The following STPG2 variants were observed in gnomAD, a reference collection of about 807,000 sequenced individuals.
STPG2 encodes the protein sperm tail PG-rich repeat containing 2.
Under a neutral mutation model 54.2 loss-of-function variants are expected in STPG2, and 56 were observed. That is an observed-to-expected ratio of 1.03 (90% CI 0.83 to 1.29). The LOEUF is 1.29. Among genes scored for constraint, STPG2 ranks in the 50% most tolerant of loss-of-function variants. STPG2 has a pLI of 0.00. For synonymous variants in STPG2, 200 were observed against 181.8 expected (o/e 1.10, Z -0.81); for missense variants, 596 against 544.9 (o/e 1.09, Z -0.93).
intron 8 of STPG2, among the ~76,000 whole-genome samples, chr4:97,885,210 C>G (rs1439629718): frequency 6.6e-6 from 1 of 152,128 alleles, no homozygotes; most frequent in East Asian, 1.9e-4. Flanking sequence ...CAACTTCAGC[C>G]TGAAACCCTG....
chr4:97,744,785 T>C (rs1725372721), intron 9 of STPG2, among the ~76,000 whole-genome samples: 1 of 151,486 alleles, frequency 6.6e-6, no homozygotes, highest in African/African-American at 2.4e-5. Flanking sequence ...TCTATAAATA[T>C]ACTGTAATAT....
chr4:97,770,752 A>G (rs1190783922), intron 9 of STPG2, among the ~76,000 whole-genome samples: 2 of 152,218 alleles, frequency 1.3e-5, no homozygotes, highest in Non-Finnish European at 2.9e-5. Flanking sequence ...GATTGAGAGT[A>G]CCAGAGGAAC....
At chr4:97,695,611 C>CA (rs1723543880) in intron 10 of STPG2, among the ~76,000 whole-genome samples, 1 of 151,924 alleles carries the variant, frequency 6.6e-6, no homozygotes, top group Admixed American at 6.6e-5. Flanking sequence ...AAGATTCATC[C>CA]AAAAAGCCCC....
At chr4:98,109,937 A>G (rs902321439) in intron 3 of STPG2, among the ~76,000 whole-genome samples, 1 of 152,200 alleles carries the variant, frequency 6.6e-6, no homozygotes, top group Non-Finnish European at 1.5e-5. Context: ...TGAACCATAA[A>G]AAGTTTAAGC....
intron 9 of STPG2, among the ~76,000 whole-genome samples, chr4:97,788,764 T>C (rs1228733643): frequency 1.3e-5 from 2 of 152,046 alleles, no homozygotes; most frequent in Non-Finnish European, 2.9e-5. Context: ...GCAGAACATA[T>C]AAGATGCCCA....
At chr4:98,025,156 T>C (rs1422699309) in intron 5 of STPG2, among the ~76,000 whole-genome samples, 1 of 152,228 alleles carries the variant, frequency 6.6e-6, no homozygotes, top group African/African-American at 2.4e-5. Context: ...TAAGGATTAA[T>C]TAATACAGCT....
At position 97,842,811 on chromosome 4, in the gene STPG2, A is replaced by G. The variant is rs76575041; in HGVS notation, c.1045-1879T>C. Among the ~76,000 whole-genome samples the G allele has an allele frequency of 0.011, 1,687 of 151,860 alleles. 108 individuals carry two copies. The East Asian group carries it at 0.19, about 17-fold the overall frequency. ...ATGTATACTACCCTTGTTCATGACC[A>G]CCTGCTGCTATGTATATTTATTCTT... On this transcript the variant is annotated intron_variant, in intron 8 of 10. Coordinates refer to ENST00000295268, the MANE Select transcript of STPG2 (RefSeq NM_174952.3).
intron 10 of STPG2, among the ~76,000 whole-genome samples, chr4:97,632,799 A>T (rs1721334985): frequency 6.6e-6 from 1 of 152,182 alleles, no homozygotes; most frequent in East Asian, 1.9e-4. Flanking sequence ...TATGGTGCTA[A>T]AATGTTGAAG....
At chr4:97,557,571 A>G (rs1578385775), downstream of STPG2, among the ~76,000 whole-genome samples, 1 of 152,282 alleles carries the variant, frequency 6.6e-6, no homozygotes, top group Middle Eastern at 3.4e-3. Flanking sequence ...AAACTGACTC[A>G]TCTGGCCAAA....
At chr4:97,471,897 C>A (rs1226829077) in intron 4 of STPG2, among the ~76,000 whole-genome samples, 2 of 152,098 alleles carry the variant, frequency 1.3e-5, no homozygotes, top group Admixed American at 1.3e-4. Context: ...AGTTTTCATA[C>A]AGCAGGTACA....
chr4:98,065,559 A>T (rs1159128762), intron 5 of STPG2, among the ~76,000 whole-genome samples: 1 of 152,210 alleles, frequency 6.6e-6, no homozygotes, highest in Admixed American at 6.5e-5. Flanking sequence ...GAACATCACA[A>T]ACAAATAAGA....
At chr4:97,831,169 C>T (rs182949587) in intron 9 of STPG2, among the ~76,000 whole-genome samples, 6 of 152,264 alleles carry the variant, frequency 3.9e-5, no homozygotes, top group East Asian at 1.9e-4. Flanking sequence ...TCATAGCAAA[C>T]AGTCTCTCAG....
At position 97,897,616 on chromosome 4, in the gene STPG2, G is replaced by GTA. The variant is rs140832577; in HGVS notation, c.1044+46279_1044+46280dup. Among the ~76,000 whole-genome samples the GTA allele has an allele frequency of 3.3e-3, 496 of 152,120 alleles. 1 individual carries two copies. The highest frequency in any genetic ancestry group is 0.011 in the African/African-American group (472 of 41,526). On this transcript the variant is annotated intron_variant, in intron 8 of 10. Coordinates refer to ENST00000295268, the MANE Select transcript of STPG2 (RefSeq NM_174952.3). ...CAGCCATTCTGACTGGTGTGATATG[G>GTA]TATCTCACTGTGGTTTCAAGTTACA...
At chr4:97,802,561 C>T (rs896512045) in intron 9 of STPG2, among the ~76,000 whole-genome samples, 5 of 152,126 alleles carry the variant, frequency 3.3e-5, no homozygotes, top group African/African-American at 1.2e-4. Flanking sequence ...ACCTCCATCT[C>T]CCAGGTTCAA....
chr4:97,635,740 A>C (rs974898863), intron 10 of STPG2, among the ~76,000 whole-genome samples: 2 of 152,148 alleles, frequency 1.3e-5, no homozygotes, highest in African/African-American at 4.8e-5. Context: ...GAAAGAGACA[A>C]AGAAGGCCAT....
chr4:97,515,168 T>C (rs1026257900), intron 4 of STPG2, among the ~76,000 whole-genome samples: 1 of 152,120 alleles, frequency 6.6e-6, no homozygotes, highest in African/African-American at 2.4e-5. Flanking sequence ...GATGAAAACC[T>C]TACTTATAAG....
chr4:98,053,128 C>A (rs1737377656), intron 5 of STPG2, among the ~76,000 whole-genome samples: 1 of 152,140 alleles, frequency 6.6e-6, no homozygotes, highest in Admixed American at 6.5e-5. Flanking sequence ...GCCTGAGGCC[C>A]ATTTATACCA....
At chr4:97,939,107 A>C (rs771687104) in intron 8 of STPG2, among the ~76,000 whole-genome samples, 2 of 151,962 alleles carry the variant, frequency 1.3e-5, no homozygotes, top group Non-Finnish European at 2.9e-5. Context: ...TTTCCATATA[A>C]TTGCATGATT....
intron 4 of STPG2, among the ~76,000 whole-genome samples, chr4:97,491,499 A>G (rs1243868490): frequency 6.6e-6 from 1 of 151,498 alleles, no homozygotes; most frequent in African/African-American, 2.4e-5. Flanking sequence ...GTCACTTGGC[A>G]GAAGCTATAC....
Sources: gnomAD v4.1 joint callset for allele counts (sites outside exome capture counted in the v4.1 genomes callset) on GRCh38, gnomAD v4.1.1 for gene constraint, MANE v1.5 for transcripts, NCBI Gene and HGNC (gene_info 2026-07-23, HGNC 2026-07-21) for gene names.